ZNF804B: variants seen among roughly 807,000 people sequenced by gnomAD.
ZNF804B encodes the protein zinc finger protein 804B.
ZNF804B carries 80 observed loss-of-function variants against 101.4 expected under a neutral mutation model. The observed-to-expected ratio is 0.79, with a 90% CI of 0.66 to 0.95. The LOEUF is 0.95. Among genes scored for constraint, ZNF804B ranks in the 40% least tolerant of loss-of-function variants. ZNF804B has a pLI of 0.00. For missense variants in ZNF804B, 1,673 were observed against 1,561.9 expected (o/e 1.07, Z -1.20); for synonymous variants, 622 against 558.8 (o/e 1.11, Z -1.59).
At chr7:89,052,693 A>T (rs1299282445) in intron 1 of ZNF804B, among the ~76,000 whole-genome samples, 3 of 152,154 alleles carry the variant, frequency 2.0e-5, no homozygotes, top group African/African-American at 7.2e-5. Context: ...GTACACAAGG[A>T]ACCCATCTTA....
At chr7:89,167,655 A>C (rs1298920224) in intron 1 of ZNF804B, among the ~76,000 whole-genome samples, 1 of 152,160 alleles carries the variant, frequency 6.6e-6, no homozygotes, top group South Asian at 2.1e-4. Flanking sequence ...GATTTTTATA[A>C]GGAGAATAAA....
rs1788926412 is a variant in ZNF804B, at chr7:89,218,195, A to T, written c.149A>T (p.Asp50Val). ...EKKSTAKALEDVKANFYCELC... is the reference protein window; with the variant it reads ...EKKSTAKALEVVKANFYCELC... ...AAGTCCACAGCAAAGGCCCTGGAAG[A>T]TGTAAAGGCAAACTTTTACTGTGAA... The change falls in exon 2 of 4, where the codon GAT (aspartate) becomes GTT (valine). Residue 50 changes from aspartate to valine, a missense_variant. Asp to Val is a radical substitution (Grantham distance 152, BLOSUM62 -3). Coordinates refer to ENST00000333190, the MANE Select transcript of ZNF804B (RefSeq NM_181646.5). 1 of 1,613,890 alleles carries T rather than the reference A, an allele frequency of 6.2e-7. No homozygotes were observed.
chr7:88,816,792 A>C (rs945207193), intron 1 of ZNF804B, among the ~76,000 whole-genome samples: 14 of 144,642 alleles, frequency 9.7e-5, no homozygotes, highest in Admixed American at 9.2e-4. Flanking sequence ...GTGGGACTGT[A>C]AACTAGTTCA....
In ZNF804B at chr7:88,846,747, G is replaced by GTA. The variant is rs1791378469; in HGVS notation, c.108+86671_108+86672dup. Among the ~76,000 whole-genome samples, 7 of 152,006 alleles carry GTA rather than the reference G, an allele frequency of 4.6e-5. 1 individual carries two copies. The South Asian group carries it at 1.5e-3, about 32-fold the overall frequency. On this transcript the variant is annotated intron_variant, in intron 1 of 3. Coordinates refer to ENST00000333190, the MANE Select transcript of ZNF804B (RefSeq NM_181646.5). ...ATGTGAGACTACCATATATATGTGT[G>GTA]TATATATATGTCTATATGTGAGACT...
At chr7:89,110,154 T>G in intron 1 of ZNF804B, among the ~76,000 whole-genome samples, 1 of 152,116 alleles carries the variant, frequency 6.6e-6, no homozygotes, top group Non-Finnish European at 1.5e-5. Context: ...GGTGGGGTGC[T>G]AGGTAAAGGT....
At chr7:88,772,290 A>G (rs552902540) in intron 1 of ZNF804B, among the ~76,000 whole-genome samples, 24 of 152,314 alleles carry the variant, frequency 1.6e-4, no homozygotes, top group African/African-American at 5.1e-4. Context: ...CAAAAAAACC[A>G]TAAATCTTCT....
intron 1 of ZNF804B, among the ~76,000 whole-genome samples, chr7:88,908,796 A>G (rs989136741): frequency 1.3e-5 from 2 of 151,838 alleles, no homozygotes; most frequent in Non-Finnish European, 1.5e-5. Context: ...GCCAGCTTTG[A>G]AATTAGTAAT....
Position 89,164,958 on chromosome 7 carries a change from A to C in ZNF804B, c.109-53197A>C, listed in dbSNP as rs1791119156. Among the ~76,000 whole-genome samples the C allele has an allele frequency of 1.3e-5, 2 of 152,114 alleles. 1 individual carries two copies. The highest frequency in any genetic ancestry group is 4.1e-4 in the South Asian group (2 of 4,828). On this transcript the variant is annotated intron_variant, in intron 1 of 3. Coordinates refer to ENST00000333190, the MANE Select transcript of ZNF804B (RefSeq NM_181646.5). The stretch of plus-strand genomic sequence containing the variant: ...GTGTTATTTAATCCTCAGAACAGCC[A>C]TATGAGGCACATGTCATTTCAAGGT...
At chr7:89,192,915 TA>T (rs1377191449) in intron 1 of ZNF804B, among the ~76,000 whole-genome samples, 9 of 152,126 alleles carry the variant, frequency 5.9e-5, no homozygotes, top group Admixed American at 2.6e-4. Flanking sequence ...ATTATCTCAA[TA>T]GATGCAGAAA....
intron 1 of ZNF804B, among the ~76,000 whole-genome samples, chr7:89,173,760 C>T (rs1584032408): frequency 7.2e-6 from 1 of 139,176 alleles, no homozygotes; most frequent in East Asian, 2.0e-4. Context: ...ATCCATCCAT[C>T]CATCCATCAT....
rs761581892 is a variant in ZNF804B at position 89,336,366 on chromosome 7, C to T, written c.3384C>T (p.Val1128=). The T allele has an allele frequency of 6.8e-6, 11 of 1,613,934 alleles. No homozygotes were observed. The highest frequency in any genetic ancestry group is 1.6e-4 in the Middle Eastern group (1 of 6,062). The part of the protein sequence containing the change: ...YDRTMQKPDK[V]EDGLEMCHKS... ...GAACTATGCAGAAACCTGACAAAGT[C>T]GAAGACGGATTAGAAATGTGTCATA... Residue 1128 remains valine (V), a synonymous_variant, in exon 4 of 4, where the codon GTC becomes GTT. Coordinates refer to ENST00000333190, the MANE Select transcript of ZNF804B (RefSeq NM_181646.5).
chr7:88,981,961 C>T (rs755567584), intron 1 of ZNF804B, among the ~76,000 whole-genome samples: 1 of 151,998 alleles, frequency 6.6e-6, no homozygotes, highest in Non-Finnish European at 1.5e-5. Flanking sequence ...CTGCTCACCT[C>T]ATTTTTGATT....
intron 1 of ZNF804B, among the ~76,000 whole-genome samples, chr7:88,984,369 G>A (rs1254322191): frequency 1.3e-5 from 2 of 151,952 alleles, no homozygotes; most frequent in Admixed American, 6.6e-5. Flanking sequence ...AAGTAATTGT[G>A]TTTTTGCATG....
At chr7:88,854,287 A>C (rs1186620814) in intron 1 of ZNF804B, among the ~76,000 whole-genome samples, 1 of 152,114 alleles carries the variant, frequency 6.6e-6, no homozygotes, top group Non-Finnish European at 1.5e-5. Context: ...TCGTTTGGCT[A>C]ATTTCACACA....
At chr7:88,809,481 A>G (rs1164219329) in intron 1 of ZNF804B, among the ~76,000 whole-genome samples, 1 of 152,162 alleles carries the variant, frequency 6.6e-6, no homozygotes, top group Non-Finnish European at 1.5e-5. Flanking sequence ...TTTTAAAGGA[A>G]TTGTCTTTAA....
chr7:88,776,569 T>G (rs1316626478), intron 1 of ZNF804B, among the ~76,000 whole-genome samples: 17 of 141,044 alleles, frequency 1.2e-4, no homozygotes, highest in East Asian at 7.8e-4. Context: ...TGTTTTTTTT[T>G]TTTTTTTTTT....
At chr7:89,274,451 A>G (rs1235652928) in intron 2 of ZNF804B, among the ~76,000 whole-genome samples, 2 of 148,140 alleles carry the variant, frequency 1.4e-5, no homozygotes, top group Non-Finnish European at 3.0e-5. Context: ...GAGAATGATG[A>G]TTTCCAATTT....
chr7:88,796,067 T>G (rs949154075), intron 1 of ZNF804B, among the ~76,000 whole-genome samples: 1 of 152,094 alleles, frequency 6.6e-6, no homozygotes, highest in African/African-American at 2.4e-5. Flanking sequence ...ATGGTGAATA[T>G]ATGATGAGAA....
chr7:89,151,069 T>A (rs1790867984), intron 1 of ZNF804B, among the ~76,000 whole-genome samples: 1 of 152,124 alleles, frequency 6.6e-6, no homozygotes. Context: ...GTAGGTGCTT[T>A]AGAAAGGAAA....
Sources: gnomAD v4.1 joint callset for allele counts (sites outside exome capture counted in the v4.1 genomes callset) on GRCh38, gnomAD v4.1.1 for gene constraint, MANE v1.5 for transcripts, NCBI Gene and HGNC (gene_info 2026-07-23, HGNC 2026-07-21) for gene names.